The following NFASC variants were observed in gnomAD, a reference collection of about 807,000 sequenced individuals.
The protein encoded by NFASC is neurofascin.
A neutral mutation model predicts 147.5 loss-of-function variants in NFASC; 43 were observed. That is an observed-to-expected ratio of 0.29 (90% confidence interval 0.23 to 0.38). NFASC has a LOEUF of 0.38. Ranked by LOEUF, NFASC falls within the 10% of genes least tolerant of loss-of-function variation. NFASC has a pLI of 1.00. For synonymous variants in NFASC, 622 were observed against 665.5 expected, an observed-to-expected ratio of 0.93 and a Z score of 1.01; for missense variants, 1,320 against 1,689.0, an observed-to-expected ratio of 0.78 and a Z score of 3.83.
At chr1:204,928,564 C>T (rs1214120939) in intron 2 of NFASC, among the ~76,000 whole-genome samples, 1 of 152,176 alleles carries the variant, frequency 6.6e-6, no homozygotes, top group African/African-American at 2.4e-5. Flanking sequence ...ACATTTTCTC[C>T]ATATACAAGG....
chr1:204,957,595 G>A (rs1445219076), intron 7 of NFASC, 61 bp from the exon 8 acceptor site: 1 of 1,524,034 alleles, frequency 6.6e-7, no homozygotes, highest in African/African-American at 1.4e-5. Flanking sequence ...CGCCAGGACT[G>A]CGGTGGTGAT....
In NFASC at chr1:204,987,353, T is replaced by C; in HGVS notation, c.2471-65T>C. ...GCCTTCATACTTGTGCTTTGTTTTT[T>C]GTGTTTTCCTCATCCTCCCTGCCCC... On this transcript the variant is annotated intron_variant, in intron 21 of 29. Transcript: ENST00000339876. The surrounding 1 kb of genome is among the most constrained non-coding windows in gnomAD (Gnocchi z 4.4). 6.7e-7 allele frequency: 1 copy of C among 1,494,376 alleles called. No homozygotes were observed. Among genetic ancestry groups the C allele is most frequent in the South Asian group, 1.2e-5 (1 of 84,732 alleles). 92.6% of individuals were successfully genotyped at this position (1,494,376 alleles called of 1,614,324 possible).
chr1:204,861,110 A>T, intron 1 of NFASC, among the ~76,000 whole-genome samples: 1 of 104,986 alleles, frequency 9.5e-6, no homozygotes, highest in African/African-American at 4.0e-5. Context: ...TTTTTTGGAG[A>T]CAAGATCTCA....
chr1:204,835,521 G>A (rs370144382), intron 1 of NFASC, among the ~76,000 whole-genome samples: 11 of 152,074 alleles, frequency 7.2e-5, no homozygotes, highest in African/African-American at 2.7e-4. Context: ...GAGCCACTGC[G>A]CCCGGCTGGT....
chr1:204,953,985 T>A (rs2094291634), intron 5 of NFASC, among the ~76,000 whole-genome samples: 1 of 152,092 alleles, frequency 6.6e-6, no homozygotes, highest in African/African-American at 2.4e-5. Flanking sequence ...GTCACTTGGG[T>A]GGGACCTGGG....
At chr1:204,991,264 T>TG (rs2095726968) in intron 23 of NFASC, 28 bp from the exon 24 acceptor site, 1 of 1,611,736 alleles carries the variant, frequency 6.2e-7, no homozygotes. Flanking sequence ...TCCCTCTGTC[T>TG]GGCCATCTTG....
At chr1:204,955,677 C>T (rs778053058) in intron 7 of NFASC, among the ~76,000 whole-genome samples, 3 of 152,100 alleles carry the variant, frequency 2.0e-5, no homozygotes, top group Non-Finnish European at 4.4e-5. Flanking sequence ...AGAGGTAAAT[C>T]GAAAACTGCT....
intron 1 of NFASC, among the ~76,000 whole-genome samples, chr1:204,864,964 C>T (rs2076994036): frequency 1.3e-5 from 2 of 152,174 alleles, no homozygotes; most frequent in Admixed American, 1.3e-4. Flanking sequence ...ATTTATCTCA[C>T]CTTGTTGCTG....
At chr1:204,863,045 A>G (rs908894996) in intron 1 of NFASC, among the ~76,000 whole-genome samples, 1 of 152,236 alleles carries the variant, frequency 6.6e-6, no homozygotes, top group Non-Finnish European at 1.5e-5. Context: ...GGGTAGAAGT[A>G]AAGTCATCTG....
rs778327824 is a variant in NFASC at position 204,952,063 on chromosome 1, C to T, written c.162C>T (p.Asp54=). Residue 54 remains aspartate, a synonymous_variant, in exon 5 of 30, where the codon GAC becomes GAT. Coordinates refer to ENST00000339876, the MANE Select transcript of NFASC (RefSeq NM_001005388.3). ...AGTCAGCGAAGGATCACATCGTGGA[C>T]CCCCGTGATAACATCCTGATTGAGT... ...TKQSAKDHIV[D]PRDNILIECE... The T allele has an allele frequency of 2.7e-5, 44 of 1,613,986 alleles. No individual in the cohort carries two copies. In the Middle Eastern group the frequency reaches 1.5e-3, roughly 54 times the overall value.
chr1:204,870,999 C>A, intron 1 of NFASC: 2 of 1,289,410 alleles, frequency 1.6e-6, no homozygotes, highest in Non-Finnish European at 2.0e-6. Context: ...TAGCTTCCCT[C>A]CCCACCTGTC....
intron 29 of NFASC, among the ~76,000 whole-genome samples, chr1:205,013,256 G>C (rs1474675902): frequency 6.6e-6 from 1 of 152,202 alleles, no homozygotes; most frequent in Non-Finnish European, 1.5e-5. Flanking sequence ...CAGCTCTCAT[G>C]CTGATTCTCT....
At chr1:204,878,391 C>T (rs556089474) in intron 1 of NFASC, among the ~76,000 whole-genome samples, 7 of 152,228 alleles carry the variant, frequency 4.6e-5, no homozygotes, top group East Asian at 1.9e-4. Context: ...TGGCAAAAAC[C>T]GCAATTACTT....
intron 22 of NFASC, among the ~76,000 whole-genome samples, chr1:204,988,128 C>G (rs1373781748): frequency 6.6e-6 from 1 of 152,218 alleles, no homozygotes. Flanking sequence ...TTAGGAAACT[C>G]AAAGAGCCAA....
chr1:204,890,267 G>A (rs1206476806), intron 1 of NFASC, among the ~76,000 whole-genome samples: 1 of 152,278 alleles, frequency 6.6e-6, no homozygotes, highest in East Asian at 1.9e-4. Context: ...ATGTGCTCAT[G>A]CTGAAGCAGC....
chr1:204,873,741 A>G (rs890586684), intron 1 of NFASC, among the ~76,000 whole-genome samples: 2 of 152,106 alleles, frequency 1.3e-5, no homozygotes, highest in Non-Finnish European at 2.9e-5. Context: ...AGCCATCTGG[A>G]TGGGGATGGG....
intron 1 of NFASC, among the ~76,000 whole-genome samples, chr1:204,897,158 A>T (rs531353632): frequency 6.6e-6 from 1 of 151,928 alleles, no homozygotes; most frequent in African/African-American, 2.4e-5. Flanking sequence ...AGCACTGGTG[A>T]GTAGCCTGGG....
At chr1:204,880,749 G>T (rs2080035548) in intron 1 of NFASC, among the ~76,000 whole-genome samples, 2 of 152,128 alleles carry the variant, frequency 1.3e-5, no homozygotes, top group South Asian at 2.1e-4. Flanking sequence ...TGGGGTTTTT[G>T]ATTTTTTCCT....
intron 1 of NFASC, among the ~76,000 whole-genome samples, chr1:204,852,530 AG>A (rs952324990): frequency 2.0e-4 from 31 of 152,182 alleles, no homozygotes; most frequent in Non-Finnish European, 3.8e-4. Flanking sequence ...CAGAAAGTGG[AG>A]TGAGAATCCT....
Sources: allele counts gnomAD v4.1 joint callset (sites outside exome capture counted in the v4.1 genomes callset), GRCh38; gene constraint gnomAD v4.1.1; non-coding constraint Gnocchi (gnomAD v3.1); transcripts MANE v1.5; gene names NCBI Gene and HGNC (gene_info 2026-07-23, HGNC 2026-07-21).